The following CAPN5 variants were observed in gnomAD, a reference collection of about 807,000 sequenced individuals.
The protein encoded by CAPN5 is calpain-5.
CAPN5 carries 54 observed loss-of-function variants against 73.0 expected under a neutral mutation model. That is an observed-to-expected ratio of 0.74 (90% confidence interval 0.59 to 0.93). The LOEUF is 0.93. Among genes scored for constraint, CAPN5 ranks in the 40% least tolerant of loss-of-function variants. CAPN5 has a pLI of 0.00. For missense variants in CAPN5, 785 were observed against 882.9 expected, an observed-to-expected ratio of 0.89 and a Z score of 1.41; for synonymous variants, 335 against 356.9, an observed-to-expected ratio of 0.94 and a Z score of 0.69.
intron 1 of CAPN5, among the ~76,000 whole-genome samples, chr11:77,082,369 G>A (rs931214962): frequency 6.6e-6 from 1 of 152,202 alleles, no homozygotes; most frequent in African/African-American, 2.4e-5. Context: ...GAAGTGCTAC[G>A]GGCCTAAGCT....
At chr11:77,103,516 C>T (rs1226269885) in intron 3 of CAPN5, among the ~76,000 whole-genome samples, 1 of 152,184 alleles carries the variant, frequency 6.6e-6, no homozygotes, top group Non-Finnish European at 1.5e-5. Context: ...CTCCAGCTCA[C>T]AGGAAGAAGA....
intron 1 of CAPN5, among the ~76,000 whole-genome samples, chr11:77,069,297 T>A (rs973948975): frequency 6.6e-6 from 1 of 152,176 alleles, no homozygotes; most frequent in African/African-American, 2.4e-5. Flanking sequence ...TCTAAGTACA[T>A]GGTGTCTGGT....
intron 3 of CAPN5, chr11:77,103,092 C>A (rs782707238): frequency 3.2e-5 from 52 of 1,613,758 alleles, no homozygotes. Context: ...AGGCACCTCG[C>A]AGAACTGGAC....
chr11:77,084,762 T>A, intron 1 of CAPN5, 90 bp from the exon 2 acceptor site: 1 of 1,182,796 alleles, frequency 8.5e-7, no homozygotes. Context: ...CTTCCGTGCC[T>A]GTGCCATGGG....
Position 77,093,669 on chromosome 11 carries a change from G to T in CAPN5, c.166-13G>T. ...CCTCCGCCCCTCACGCTCTCTCCTC[G>T]CCTTCTCCGCAGGGCATCTGCGAGG... is the stretch of plus-strand genomic sequence containing the variant. On this transcript the variant is annotated splice_polypyrimidine_tract_variant and intron_variant, in intron 2 of 12. Transcript: ENST00000648180. The T allele has an allele frequency of 6.4e-7, 1 of 1,569,982 alleles. No individual in the cohort carries two copies.
chr11:77,082,559 A>C (rs551538553), intron 1 of CAPN5, among the ~76,000 whole-genome samples: 2 of 152,176 alleles, frequency 1.3e-5, no homozygotes, highest in East Asian at 1.9e-4. Flanking sequence ...CAGTCTGTGC[A>C]AGGGCCGGGG....
At position 77,114,388 on chromosome 11, in the gene CAPN5, T is replaced by C; in HGVS notation, c.653T>C (p.Met218Thr). The C allele has an allele frequency of 6.2e-7, 1 of 1,614,202 alleles. No individual in the cohort carries two copies. Among genetic ancestry groups the C allele is most frequent in the Non-Finnish European group, 8.5e-7 (1 of 1,180,044 alleles). Residue 218 changes from methionine (M) to threonine (T), a missense_variant, in exon 5 of 13, where the codon ATG becomes ACG. Physicochemically the swap from Met to Thr is moderately conservative, Grantham distance 81. Coordinates refer to ENST00000648180, the MANE Select transcript of CAPN5 (RefSeq NM_004055.5). ...ETKRNQLFERMLKVHSRGGLI... is the reference protein window; with the variant it reads ...ETKRNQLFERTLKVHSRGGLI... ...AAGAGGAACCAGCTCTTTGAGCGCA[T>C]GTTAAAGGTGCACAGCCGGGGCGGC...
intron 3 of CAPN5, among the ~76,000 whole-genome samples, chr11:77,097,297 C>G (rs1330040171): frequency 6.6e-6 from 1 of 152,034 alleles, no homozygotes; most frequent in Non-Finnish European, 1.5e-5. Flanking sequence ...CTTTAGTTAT[C>G]AAGCAGTTCC....
intron 1 of CAPN5, among the ~76,000 whole-genome samples, chr11:77,071,855 T>C (rs1326347071): frequency 6.6e-6 from 1 of 152,164 alleles, no homozygotes; most frequent in Non-Finnish European, 1.5e-5. Context: ...TGGTCTGCCA[T>C]TGCAGGAGGG....
chr11:77,090,882 C>T (rs1231381226), intron 2 of CAPN5, among the ~76,000 whole-genome samples: 7 of 152,148 alleles, frequency 4.6e-5, no homozygotes, highest in South Asian at 4.1e-4. Context: ...AGGAGGGCAG[C>T]GGGGAGGAGA....
At chr11:77,077,520 C>A (rs560177978) in intron 1 of CAPN5, among the ~76,000 whole-genome samples, 1 of 145,704 alleles carries the variant, frequency 6.9e-6, no homozygotes, top group Admixed American at 6.7e-5. Context: ...TGATGTTGAG[C>A]TTTTTAATTT....
intron 3 of CAPN5, among the ~76,000 whole-genome samples, chr11:77,108,760 A>G (rs893729844): frequency 5.9e-5 from 9 of 152,062 alleles, no homozygotes; most frequent in Admixed American, 2.0e-4. Context: ...CATAATACCA[A>G]CTTATAAAAT....
chr11:77,120,829 C>T lies in CAPN5; in HGVS notation c.1407C>T (p.Val469=). 1.2e-6 allele frequency: 2 copies of T among 1,614,186 alleles called. No homozygotes were observed. Among genetic ancestry groups the T allele is most frequent in the Non-Finnish European group, 1.7e-6 (2 of 1,180,024 alleles). Residue 469 remains valine, a synonymous_variant, in exon 10 of 13, where the codon GTC becomes GTT. Transcript: ENST00000648180. The part of the protein sequence containing the change: ...LRTDQPEGRY[V]IIPTTFEPGH... ...CCGACCAGCCCGAGGGCCGCTATGT[C>T]ATCATCCCCACAACCTTCGAGCCAG... is the stretch of plus-strand genomic sequence containing the variant.
At chr11:77,108,777 T>C (rs1555040342) in intron 3 of CAPN5, among the ~76,000 whole-genome samples, 1 of 152,204 alleles carries the variant, frequency 6.6e-6, no homozygotes, top group East Asian at 1.9e-4. Flanking sequence ...AAATAATCTC[T>C]TAATATCATC....
chr11:77,103,035 G>A lies in CAPN5; in HGVS notation c.297+9222G>A, dbSNP rs782214575. On this transcript the variant is annotated intron_variant, in intron 3 of 12. Transcript: ENST00000648180. ...CACCCAGCAGCAGCGGCTACAGTTC[G>A]AGCGCTGGAATGTCGTGCTGGACAA... The A allele has an allele frequency of 2.7e-5, 43 of 1,613,458 alleles. No individual in the cohort carries two copies. In the East Asian group the frequency reaches 4.7e-4, roughly 18 times the overall value.
chr11:77,067,682 G>T (rs1450826355), intron 1 of CAPN5, among the ~76,000 whole-genome samples: 1 of 97,178 alleles, frequency 1.0e-5, no homozygotes, highest in East Asian at 3.3e-4. Flanking sequence ...GCGGGAGTGT[G>T]GGGGAGTGGT....
At chr11:77,106,221 A>T (rs1276682432) in intron 3 of CAPN5, among the ~76,000 whole-genome samples, 4 of 149,450 alleles carry the variant, frequency 2.7e-5, no homozygotes, top group African/African-American at 9.9e-5. Context: ...CCTTTCACAC[A>T]CCCCTCACAG....
Position 77,122,733 on chromosome 11 carries a change from G to T in CAPN5, c.1740+21G>T, listed in dbSNP as rs200885333. 2.4e-3 allele frequency: 3,912 copies of T among 1,612,076 alleles called. 8 individuals carry two copies. The highest frequency in any genetic ancestry group is 3.0e-3 in the Non-Finnish European group (3,497 of 1,179,492). ...TACAGGTGAGCCCCCTGGTCCAGAG[G>T]CCACCTCCTGGGCTCCTAGCCTGAG... On this transcript the variant is annotated intron_variant, in intron 12 of 12. Coordinates refer to ENST00000648180, the MANE Select transcript of CAPN5 (RefSeq NM_004055.5).
intron 3 of CAPN5, chr11:77,103,122 A>ATG: frequency 6.2e-7 from 1 of 1,613,654 alleles, no homozygotes; most frequent in Non-Finnish European, 8.5e-7. Context: ...CACCAACCTC[A>ATG]TGACACGCCA....
Sources: allele counts gnomAD v4.1 joint callset (sites outside exome capture counted in the v4.1 genomes callset), GRCh38; gene constraint gnomAD v4.1.1; transcripts MANE v1.5; gene names NCBI Gene and HGNC (gene_info 2026-07-23, HGNC 2026-07-21).